RALGAPB: variants seen among roughly 807,000 people sequenced by gnomAD.
The protein encoded by RALGAPB is ral GTPase-activating protein subunit beta.
A neutral mutation model predicts 161.1 loss-of-function variants in RALGAPB; 25 were observed. The ratio of observed to expected loss-of-function variants is 0.16; its 90% confidence interval spans 0.11 to 0.22. RALGAPB has a LOEUF of 0.22. Ranked by LOEUF, RALGAPB falls within the 10% of genes least tolerant of loss-of-function variation. The pLI, the probability that RALGAPB is intolerant of heterozygous loss-of-function variation, is 1.00. For missense variants in RALGAPB, 1,391 were observed against 1,815.2 expected (o/e 0.77, Z 4.25); for synonymous variants, 629 against 626.1 (o/e 1.00, Z -0.07).
chr20:38,510,321 T>C (rs1317380654), intron 6 of RALGAPB, among the ~76,000 whole-genome samples: 4 of 152,192 alleles, frequency 2.6e-5, no homozygotes, highest in Admixed American at 2.6e-4. Flanking sequence ...AATTTGTCTT[T>C]AGTTCACATA....
chr20:38,527,528 T>C (rs1226255489), intron 13 of RALGAPB, among the ~76,000 whole-genome samples: 5 of 152,198 alleles, frequency 3.3e-5, no homozygotes, highest in Non-Finnish European at 7.3e-5. Flanking sequence ...TTCTCAGTTA[T>C]GATGTATAGC....
At chr20:38,570,718 G>T in intron 27 of RALGAPB, 51 bp from the exon 28 acceptor site, 1 of 1,198,930 alleles carries the variant, frequency 8.3e-7, no homozygotes. Flanking sequence ...CCTATTATCT[G>T]TTTGGGAAAA....
chr20:38,512,622 T>C (rs2085994662), intron 6 of RALGAPB, among the ~76,000 whole-genome samples: 1 of 152,256 alleles, frequency 6.6e-6, no homozygotes, highest in Admixed American at 6.5e-5. Flanking sequence ...AAAGTGATAC[T>C]GTTTTGGCAC....
intron 1 of RALGAPB, among the ~76,000 whole-genome samples, chr20:38,475,967 T>C (rs1034277969): frequency 1.3e-5 from 2 of 152,138 alleles, no homozygotes; most frequent in Non-Finnish European, 2.9e-5. Flanking sequence ...CTTGGTTCCG[T>C]TTTGTATTAT....
At chr20:38,528,463 T>C (rs2086541498) in intron 13 of RALGAPB, among the ~76,000 whole-genome samples, 1 of 151,964 alleles carries the variant, frequency 6.6e-6, no homozygotes, top group African/African-American at 2.4e-5. Flanking sequence ...CCCAAGCTCC[T>C]GGACTCAAGT....
rs775251174 is a variant in RALGAPB at position 38,539,919 on chromosome 20, T to G, written c.2523T>G (p.Cys841Trp). 1.5e-5 allele frequency: 24 copies of G among 1,614,106 alleles called. No individual in the cohort carries two copies. The highest frequency in any genetic ancestry group is 2.0e-5 in the Non-Finnish European group (24 of 1,179,956). Residue 841 changes from cysteine to tryptophan, a missense_variant, in exon 17 of 30, where the codon TGT becomes TGG. Physicochemically the swap from Cys to Trp is radical, Grantham distance 215. Coordinates refer to ENST00000262879, the MANE Select transcript of RALGAPB (RefSeq NM_020336.4). Reference protein sequence around the residue: ...SMIVAAFQCLCVWLTEHPDML... With the variant: ...SMIVAAFQCLWVWLTEHPDML... ...TAGTGGCAGCTTTTCAGTGTCTCTG[T>G]GTCTGGCTGACAGAGCACCCTGATA...
chr20:38,553,996 C>T lies in RALGAPB; in HGVS notation c.3292C>T (p.Pro1098Ser). Residue 1098 changes from proline (P) to serine (S), a missense_variant, in exon 22 of 30, where the codon CCC (proline) becomes TCC (serine). Around this residue, in one of 3 missense-constraint regions of RALGAPB, gnomAD observed 436 missense variants for 527.0 expected, o/e 0.83. Transcript: ENST00000262879. ...TCCTGACCCAGTTACGGATTGCAAG[C>T]CCCCGCCTCCTGCCCAGGAATTCCA... ...SFPDPVTDCK[P>S]PPPAQEFQTA... 1.9e-6 allele frequency: 3 copies of T among 1,613,718 alleles called. No individual in the cohort carries two copies. The highest frequency in any genetic ancestry group is 2.5e-6 in the Non-Finnish European group (3 of 1,179,768).
chr20:38,475,891 A>G (rs1157349307), intron 1 of RALGAPB, among the ~76,000 whole-genome samples: 1 of 152,198 alleles, frequency 6.6e-6, no homozygotes, highest in Non-Finnish European at 1.5e-5. Context: ...TGCTGGGATT[A>G]CAGGCATTAG....
At position 38,487,077 on chromosome 20, in the gene RALGAPB, A is replaced by G. The variant is rs1042723979; in HGVS notation, c.-30-1326A>G. On this transcript the variant is annotated intron_variant, in intron 1 of 29. Coordinates refer to ENST00000262879, the MANE Select transcript of RALGAPB (RefSeq NM_020336.4). ...CTAAGGAGTCAAGAAAGGTTTTACC[A>G]AAGAGAGGACATTTGAGTTGGGCTT... Among the ~76,000 whole-genome samples the G allele has an allele frequency of 2.6e-5, 4 of 152,244 alleles. 1 individual carries two copies. Among genetic ancestry groups the G allele is most frequent in the Non-Finnish European group, 5.9e-5 (4 of 68,040 alleles).
At chr20:38,509,832 C>A (rs1450479150) in intron 6 of RALGAPB, among the ~76,000 whole-genome samples, 1 of 152,082 alleles carries the variant, frequency 6.6e-6, no homozygotes, top group Non-Finnish European at 1.5e-5. Flanking sequence ...GTTTAACTAG[C>A]CTAATTTTTC....
chr20:38,511,623 A>G (rs1241204854), intron 6 of RALGAPB, among the ~76,000 whole-genome samples: 2 of 152,220 alleles, frequency 1.3e-5, no homozygotes, highest in African/African-American at 2.4e-5. Context: ...GACACAGCAC[A>G]TGTTTTAGAG....
intron 10 of RALGAPB, 62 bp from the exon 11 acceptor site, chr20:38,524,716 A>G (rs1288645641): frequency 1.5e-5 from 20 of 1,321,144 alleles, no homozygotes; most frequent in Non-Finnish European, 1.9e-5. Context: ...CTATGTAGCA[A>G]ATAATAATTA....
chr20:38,542,455 G>T (rs2145396349), intron 18 of RALGAPB, among the ~76,000 whole-genome samples: 1 of 152,198 alleles, frequency 6.6e-6, no homozygotes, highest in South Asian at 2.1e-4. Flanking sequence ...TGGACTTTCG[G>T]TGACTTGATG....
chr20:38,529,985 A>C (rs1322257400), intron 13 of RALGAPB, among the ~76,000 whole-genome samples: 1 of 152,084 alleles, frequency 6.6e-6, no homozygotes, highest in Non-Finnish European at 1.5e-5. Context: ...ATATCAAGCA[A>C]CTCAGCTTTT....
At chr20:38,570,073 G>C in intron 27 of RALGAPB, 77 bp downstream of exon 27, 2 of 1,231,702 alleles carry the variant, frequency 1.6e-6, no homozygotes, top group Non-Finnish European at 1.2e-6. Context: ...CAGGGAGTGG[G>C]CACATAAGCC....
chr20:38,562,982 G>T (rs1316913004), intron 24 of RALGAPB, among the ~76,000 whole-genome samples: 1 of 152,118 alleles, frequency 6.6e-6, no homozygotes, highest in Non-Finnish European at 1.5e-5. Context: ...AGGCTGAGGT[G>T]GGAGGATCAC....
intron 5 of RALGAPB, among the ~76,000 whole-genome samples, chr20:38,505,278 A>G (rs146309995): frequency 1.3e-5 from 2 of 152,180 alleles, no homozygotes; most frequent in Non-Finnish European, 2.9e-5. Flanking sequence ...CTTTGTAGCA[A>G]CATGGATGCA....
intron 1 of RALGAPB, among the ~76,000 whole-genome samples, chr20:38,475,470 T>C (rs1217275936): frequency 1.3e-5 from 2 of 152,128 alleles, no homozygotes; most frequent in Non-Finnish European, 2.9e-5. Flanking sequence ...CTTAAAACCA[T>C]GTAAGGATTT....
At chr20:38,552,626 C>G (rs2087417297) in intron 21 of RALGAPB, among the ~76,000 whole-genome samples, 1 of 151,984 alleles carries the variant, frequency 6.6e-6, no homozygotes, top group Non-Finnish European at 1.5e-5. Context: ...AGAGATGCTT[C>G]TAAGACAGAA....
Sources: gnomAD v4.1 joint callset for allele counts (sites outside exome capture counted in the v4.1 genomes callset) on GRCh38, gnomAD v4.1.1 for gene constraint, gnomAD v4.1.1 regional missense constraint, MANE v1.5 for transcripts, NCBI Gene and HGNC (gene_info 2026-07-23, HGNC 2026-07-21) for gene names.